Variants in EBPL observed in about 807,000 individuals in gnomAD.
EBPL encodes emopamil-binding protein-like.
A neutral mutation model predicts 19.0 loss-of-function variants in EBPL; 20 were observed. The ratio of observed to expected loss-of-function variants is 1.05; its 90% CI spans 0.74 to 1.53. EBPL has a LOEUF of 1.53. Ranked by LOEUF, EBPL falls within the 40% of genes most tolerant of loss-of-function variation. The pLI is 0.00. For missense variants in EBPL, 219 were observed against 261.1 expected, an observed-to-expected ratio of 0.84 and a Z score of 1.11; for synonymous variants, 107 against 117.0, an observed-to-expected ratio of 0.91 and a Z score of 0.55.
Position 49,690,477 on chromosome 13 carries a change from GT to G in EBPL, c.171+776del, listed in dbSNP as rs1594420648. ...TAGTTTAAAAAAAACTTAAAAGTGT[GT>G]GTGTGTGTGTGCGTGCGCGTGTGTG... On this transcript the variant is annotated intron_variant, in intron 1 of 3. Transcript: ENST00000242827. Among the ~76,000 whole-genome samples, 9 of 62,534 alleles carry G rather than the reference GT, an allele frequency of 1.4e-4. 1 individual carries two copies. The East Asian group carries it at 2.5e-3, about 17-fold the overall frequency. The allele number at this position is 62,534 out of a possible 152,430, so 41.0% of individuals were successfully genotyped here.
intron 1 of EBPL, among the ~76,000 whole-genome samples, chr13:49,673,101 T>TA (rs1243526442): frequency 6.6e-6 from 1 of 151,584 alleles, no homozygotes; most frequent in Non-Finnish European, 1.5e-5. Context: ...AAGGCTAAAA[T>TA]AAAAAATAGT....
At chr13:49,661,897 A>G (rs1965154876) in intron 3 of EBPL, 1 of 1,550,532 alleles carries the variant, frequency 6.4e-7, no homozygotes, top group Non-Finnish European at 8.7e-7. Flanking sequence ...ATCTCAGGAT[A>G]GCAATCTATT....
chr13:49,681,114 CTGTAT>C (rs1953938393), intron 1 of EBPL, among the ~76,000 whole-genome samples: 2 of 152,096 alleles, frequency 1.3e-5, no homozygotes, highest in African/African-American at 4.8e-5. Flanking sequence ...TATTTAAGTT[CTGTAT>C]ATCAAAAAAT....
At position 49,669,790 on chromosome 13, in the gene EBPL, C is replaced by G. The variant is rs759536693; in HGVS notation, c.228G>C (p.Leu76Phe). The change falls in exon 2 of 4, where the codon TTG becomes TTC. Residue 76 changes from leucine (L) to phenylalanine (F), a missense_variant. Transcript: ENST00000242827. ...LVGNVANSDG[L>F]IASLWKEYGK... ...TTAATTACTTACATAAAGAAGCAAT[C>G]AAGCCATCGGAATTTGCAACGTTTC... 3.7e-6 allele frequency: 6 copies of G among 1,614,096 alleles called. No individual in the cohort carries two copies. Among genetic ancestry groups the G allele is most frequent in the Non-Finnish European group, 5.1e-6 (6 of 1,179,972 alleles).
At chr13:49,686,240 G>C (rs552876490) in intron 1 of EBPL, among the ~76,000 whole-genome samples, 6 of 152,140 alleles carry the variant, frequency 3.9e-5, no homozygotes, top group African/African-American at 1.2e-4. Context: ...ACCCTTCTTC[G>C]GCCATCCTCT....
chr13:49,690,664 G>A (rs752603316), intron 1 of EBPL, among the ~76,000 whole-genome samples: 2 of 152,198 alleles, frequency 1.3e-5, no homozygotes, highest in Non-Finnish European at 2.9e-5. Flanking sequence ...AATCATGCCA[G>A]CTGTGTGGCA....
At chr13:49,669,249 G>A (rs1003548122) in intron 2 of EBPL, among the ~76,000 whole-genome samples, 20 of 152,008 alleles carry the variant, frequency 1.3e-4, no homozygotes, top group Non-Finnish European at 2.6e-4. Context: ...CGCCCGGGCT[G>A]GAGTGCAGTG....
Position 49,686,971 on chromosome 13 carries a change from A to G in EBPL, c.171+4283T>C, listed in dbSNP as rs114871088. 5.8e-3 allele frequency among the ~76,000 whole-genome samples: 879 copies of G among 152,178 alleles called. 8 individuals are homozygous for G. Among genetic ancestry groups the G allele is most frequent in the African/African-American group, 0.02 (821 of 41,532 alleles). On this transcript the variant is annotated intron_variant, in intron 1 of 3. Transcript: ENST00000242827. ...GCACCACACCCAGCTAATTTTTCGT[A>G]GAGATGAGGCTTCACTATGTTAGCA...
chr13:49,687,564 T>TC (rs2137513343), intron 1 of EBPL, among the ~76,000 whole-genome samples: 1 of 152,322 alleles, frequency 6.6e-6, no homozygotes, highest in South Asian at 2.1e-4. Flanking sequence ...GACAGCTCCC[T>TC]CCAGAGAGGT....
chr13:49,689,109 G>GTAGT (rs1954032646), intron 1 of EBPL, among the ~76,000 whole-genome samples: 1 of 152,184 alleles, frequency 6.6e-6, no homozygotes, highest in Admixed American at 6.5e-5. Context: ...GTTACATGAT[G>GTAGT]TAGTTGATTC....
At chr13:49,667,094 G>C (rs562878734) in intron 2 of EBPL, among the ~76,000 whole-genome samples, 3 of 152,090 alleles carry the variant, frequency 2.0e-5, no homozygotes, top group African/African-American at 4.8e-5. Flanking sequence ...TGCGTGAGAG[G>C]AAGGTAGGGG....
chr13:49,690,027 G>A (rs1388947635), intron 1 of EBPL, among the ~76,000 whole-genome samples: 2 of 151,962 alleles, frequency 1.3e-5, no homozygotes, highest in East Asian at 1.9e-4. Flanking sequence ...ACGGGCGCCC[G>A]TAATCCCAGC....
At chr13:49,666,859 A>G (rs1246542400) in intron 2 of EBPL, among the ~76,000 whole-genome samples, 4 of 151,118 alleles carry the variant, frequency 2.6e-5, no homozygotes, top group Non-Finnish European at 5.9e-5. Context: ...ACTGCACTCC[A>G]GCCTGGGAGA....
At chr13:49,690,472 A>AGT (rs371591969) in intron 1 of EBPL, among the ~76,000 whole-genome samples, 158 of 121,690 alleles carry the variant, frequency 1.3e-3, no homozygotes, top group Middle Eastern at 4.4e-3. Flanking sequence ...AAAACTTAAA[A>AGT]GTGTGTGTGT....
intron 3 of EBPL, 46 bp downstream of exon 3, chr13:49,663,011 T>G: frequency 6.2e-7 from 1 of 1,609,578 alleles, no homozygotes; most frequent in South Asian, 1.1e-5. Context: ...TGTTGGGACA[T>G]GTAATGTCTC....
chr13:49,691,462 G>A lies in EBPL; in HGVS notation c.-38C>T, dbSNP rs200294701. 323 of 1,298,482 alleles carry A rather than the reference G, an allele frequency of 2.5e-4. 2 individuals are homozygous for A. The African/African-American group carries it at 4.6e-3, about 18-fold the overall frequency. The allele number at this position is 1,298,482 out of a possible 1,614,324, so 80.4% of individuals were successfully genotyped here. On this transcript the variant is annotated 5_prime_UTR_variant, in exon 1 of 4. Transcript: ENST00000242827. Reference sequence around the variant, plus strand: ...CGACGCCAACGGCCCAGGACCATGCGGCAGAGGAAAGCAGGGAGAGAAACG... The same window carrying A: ...CGACGCCAACGGCCCAGGACCATGCAGCAGAGGAAAGCAGGGAGAGAAACG...
rs185346381 is a variant in EBPL at position 49,680,965 on chromosome 13, C to T, written c.171+10289G>A. 2.6e-5 allele frequency among the ~76,000 whole-genome samples: 4 copies of T among 152,304 alleles called. No homozygotes were observed. The East Asian group carries it at 7.7e-4, about 29-fold the overall frequency. On this transcript the variant is annotated intron_variant, in intron 1 of 3. Coordinates refer to ENST00000242827, the MANE Select transcript of EBPL (RefSeq NM_032565.5). The stretch of plus-strand genomic sequence containing the variant: ...CAATCACGTTTCCCAGAGATGACCA[C>T]TGTTAAGTTCCATGGTAGCCTTCAA...
At chr13:49,674,070 T>C (rs1159794579) in intron 1 of EBPL, among the ~76,000 whole-genome samples, 2 of 152,002 alleles carry the variant, frequency 1.3e-5, no homozygotes, top group African/African-American at 4.8e-5. Context: ...TATACTATAG[T>C]TTTACAAAAT....
intron 1 of EBPL, among the ~76,000 whole-genome samples, chr13:49,687,582 T>C (rs1234232443): frequency 6.6e-6 from 1 of 152,204 alleles, no homozygotes; most frequent in East Asian, 1.9e-4. Flanking sequence ...GGTTCTAGGG[T>C]GGTAAAGATC....
Sources: gnomAD v4.1 joint callset for allele counts (sites outside exome capture counted in the v4.1 genomes callset) on GRCh38, gnomAD v4.1.1 for gene constraint, MANE v1.5 for transcripts, NCBI Gene and HGNC (gene_info 2026-07-23, HGNC 2026-07-21) for gene names.